Variants in ATP13A4 observed in about 807,000 individuals in gnomAD.
ATP13A4 encodes probable cation-transporting ATPase 13A4.
Under a neutral mutation model 142.5 loss-of-function variants are expected in ATP13A4, and 114 were observed. The ratio of observed to expected loss-of-function variants is 0.80; its 90% confidence interval spans 0.69 to 0.93. The LOEUF (loss-of-function observed/expected upper bound fraction) is 0.93. ATP13A4 is among the 40% of genes least tolerant of loss of function. The probability of loss-of-function intolerance (pLI) is 0.00; values close to 1 mark genes in which losing one functional copy is unlikely to be tolerated. For synonymous variants in ATP13A4, 488 were observed against 514.8 expected (o/e 0.95, Z 0.70); for missense variants, 1,392 against 1,454.0 (o/e 0.96, Z 0.69).
At chr3:193,549,919 C>A (rs1205315386) in intron 1 of ATP13A4, among the ~76,000 whole-genome samples, 3 of 152,016 alleles carry the variant, frequency 2.0e-5, no homozygotes, top group Non-Finnish European at 4.4e-5. Flanking sequence ...TCTTGTTTTG[C>A]CATGATGCAA....
At chr3:193,457,355 G>A (rs1717682336) in intron 15 of ATP13A4, 24 bp downstream of exon 15, 1 of 1,611,626 alleles carries the variant, frequency 6.2e-7, no homozygotes, top group African/African-American at 1.3e-5. Context: ...GGGTGTTGTG[G>A]GGTGAAGAGC....
chr3:193,481,107 A>T lies in ATP13A4; in HGVS notation c.808+2829T>A, dbSNP rs149980537. Among the ~76,000 whole-genome samples, 824 of 152,342 alleles carry T rather than the reference A, an allele frequency of 5.4e-3. 5 individuals are homozygous for T. The highest frequency in any genetic ancestry group is 0.019 in the African/African-American group (788 of 41,586). On this transcript the variant is annotated intron_variant, in intron 8 of 29. Transcript: ENST00000342695. ...CAAAGGCATAAGAATGACACAATGC[A>T]CTTTGGAGATTCAGGGGAAAGGGTG...
At chr3:193,412,457 G>C (rs774179704) in intron 26 of ATP13A4, 86 bp from the exon 27 acceptor site, 21 of 1,291,888 alleles carry the variant, frequency 1.6e-5, no homozygotes, top group Non-Finnish European at 2.3e-5. Flanking sequence ...ATACCAAACA[G>C]TGTCCAGAGC....
chr3:193,474,662 AGAAAG>A (rs1262088242), intron 8 of ATP13A4, among the ~76,000 whole-genome samples: 15 of 150,280 alleles, frequency 1.0e-4, no homozygotes, highest in Non-Finnish European at 1.9e-4. Flanking sequence ...AAAGAAAGAA[AGAAAG>A]AAAAAGAAAG....
At chr3:193,486,696 C>T (rs1052539280) in intron 7 of ATP13A4, among the ~76,000 whole-genome samples, 9 of 152,110 alleles carry the variant, frequency 5.9e-5, no homozygotes, top group African/African-American at 2.2e-4. Flanking sequence ...AGCTATGAGT[C>T]TGCAACTGAA....
At chr3:193,468,014 G>T (rs1262846521) in intron 9 of ATP13A4, among the ~76,000 whole-genome samples, 1 of 151,984 alleles carries the variant, frequency 6.6e-6, no homozygotes, top group Non-Finnish European at 1.5e-5. Context: ...CCCCAGTTTT[G>T]TAAAAATACA....
intron 17 of ATP13A4, among the ~76,000 whole-genome samples, chr3:193,453,889 A>G (rs1195437490): frequency 6.6e-6 from 1 of 152,210 alleles, no homozygotes; most frequent in African/African-American, 2.4e-5. Context: ...GTGAGTGTTC[A>G]CACTATCTTT....
intron 25 of ATP13A4, among the ~76,000 whole-genome samples, chr3:193,426,206 G>A (rs1364553539): frequency 4.6e-5 from 7 of 151,660 alleles, no homozygotes; most frequent in Non-Finnish European, 8.9e-5. Context: ...AACAATCATC[G>A]TGTTTCTGTA....
rs111630708 is a variant in ATP13A4, at chr3:193,428,977, T to C, written c.2842+4868A>G. On this transcript the variant is annotated intron_variant, in intron 25 of 29. Coordinates refer to ENST00000342695, the MANE Select transcript of ATP13A4 (RefSeq NM_032279.4). Reference sequence around the variant, plus strand: ...TAAAACCCAGAAGACAAAAATTCAATTAGGAAATGGTCAAAGGACCTGAAT... The same window carrying C: ...TAAAACCCAGAAGACAAAAATTCAACTAGGAAATGGTCAAAGGACCTGAAT... Among the ~76,000 whole-genome samples, 6 of 151,868 alleles carry C rather than the reference T, an allele frequency of 4.0e-5. 1 individual carries two copies. The highest frequency in any genetic ancestry group is 1.4e-4 in the African/African-American group (6 of 41,410).
At chr3:193,416,896 G>A (rs947528418) in intron 25 of ATP13A4, 4 of 152,102 alleles carry the variant, frequency 2.6e-5, no homozygotes, top group Non-Finnish European at 4.4e-5. Flanking sequence ...CAAACCCAAT[G>A]AGATTCACAT....
rs150750449 is a variant in ATP13A4 at position 193,478,326 on chromosome 3, T to C, written c.808+5610A>G. Among the ~76,000 whole-genome samples, 984 of 151,266 alleles carry C rather than the reference T, an allele frequency of 6.5e-3. 17 individuals carry two copies. In the East Asian group the frequency reaches 0.08, roughly 12 times the overall value. ...AAAAAAAAGCCCACAAAAGATAAAT[T>C]AAACAAAAAGCTGGTTCTTTGAAAA... On this transcript the variant is annotated intron_variant, in intron 8 of 29. Transcript: ENST00000342695.
chr3:193,539,125 G>C (rs1025217845), intron 1 of ATP13A4, among the ~76,000 whole-genome samples: 1 of 152,034 alleles, frequency 6.6e-6, no homozygotes, highest in Non-Finnish European at 1.5e-5. Context: ...CACCCACCCT[G>C]GCCTCCCAAA....
intron 1 of ATP13A4, among the ~76,000 whole-genome samples, chr3:193,546,368 C>A (rs1224423278): frequency 6.6e-6 from 1 of 152,146 alleles, no homozygotes; most frequent in Non-Finnish European, 1.5e-5. Context: ...GCTGCATAAA[C>A]CCCAATTGTA....
At chr3:193,463,863 A>T (rs759904985) in intron 12 of ATP13A4, among the ~76,000 whole-genome samples, 1 of 152,160 alleles carries the variant, frequency 6.6e-6, no homozygotes, top group African/African-American at 2.4e-5. Context: ...GATCTTTCTG[A>T]TATTCCAATA....
At chr3:193,456,524 A>G (rs1717622007) in intron 16 of ATP13A4, among the ~76,000 whole-genome samples, 2 of 152,212 alleles carry the variant, frequency 1.3e-5, no homozygotes, top group Admixed American at 1.3e-4. Flanking sequence ...AGCCTTATAT[A>G]TGATCCTAAA....
chr3:193,451,041 C>A (rs777067233), intron 17 of ATP13A4, among the ~76,000 whole-genome samples: 3 of 152,186 alleles, frequency 2.0e-5, no homozygotes, highest in Admixed American at 6.5e-5. Flanking sequence ...GTTCTCCTGT[C>A]CAGCCGGCTG....
chr3:193,464,185 C>A (rs934321639), intron 12 of ATP13A4, among the ~76,000 whole-genome samples: 11 of 152,116 alleles, frequency 7.2e-5, no homozygotes, highest in Admixed American at 3.3e-4. Flanking sequence ...ATTTCTTAGC[C>A]ACACATTCAA....
intron 29 of ATP13A4, among the ~76,000 whole-genome samples, chr3:193,407,007 C>T (rs184318298): frequency 2.6e-5 from 4 of 152,234 alleles, no homozygotes; most frequent in Admixed American, 1.3e-4. Context: ...TGTTATGGTG[C>T]GTGAATCATA....
At chr3:193,426,401 A>T (rs1715669712) in intron 25 of ATP13A4, among the ~76,000 whole-genome samples, 1 of 151,868 alleles carries the variant, frequency 6.6e-6, no homozygotes, top group Non-Finnish European at 1.5e-5. Context: ...ATATTAATGG[A>T]TTGGAAGACT....
Sources: gnomAD v4.1 joint callset for allele counts (sites outside exome capture counted in the v4.1 genomes callset) on GRCh38, gnomAD v4.1.1 for gene constraint, MANE v1.5 for transcripts, NCBI Gene and HGNC (gene_info 2026-07-23, HGNC 2026-07-21) for gene names.